Variants in MSRB3 observed in about 807,000 individuals in gnomAD.
MSRB3 encodes the protein methionine-R-sulfoxide reductase B3.
A neutral mutation model predicts 21.0 loss-of-function variants in MSRB3; 13 were observed. That is an observed-to-expected ratio of 0.62 (90% CI 0.40 to 0.98). The LOEUF (loss-of-function observed/expected upper bound fraction) is 0.98. Among genes scored for constraint, MSRB3 ranks in the 50% least tolerant of loss-of-function variants. The pLI is 0.00. For synonymous variants in MSRB3, 87 were observed against 88.6 expected (o/e 0.98, Z 0.10); for missense variants, 199 against 230.3 (o/e 0.86, Z 0.88).
At chr12:65,297,904 G>C (rs1313971033) in intron 1 of MSRB3, among the ~76,000 whole-genome samples, 1 of 152,106 alleles carries the variant, frequency 6.6e-6, no homozygotes, top group African/African-American at 2.4e-5. Flanking sequence ...AAATAAAATT[G>C]ACAGCACTTA....
At chr12:65,298,105 G>A (rs903991882) in intron 1 of MSRB3, among the ~76,000 whole-genome samples, 1 of 152,010 alleles carries the variant, frequency 6.6e-6, no homozygotes, top group Non-Finnish European at 1.5e-5. Flanking sequence ...CTGGGTTCAA[G>A]CAATCCTCCC....
At chr12:65,311,846 A>T (rs1266550318) in intron 2 of MSRB3, among the ~76,000 whole-genome samples, 7 of 152,086 alleles carry the variant, frequency 4.6e-5, no homozygotes, top group Non-Finnish European at 1.0e-4. Context: ...ATTGACCTGC[A>T]TGAAGGCTAT....
intron 5 of MSRB3, among the ~76,000 whole-genome samples, chr12:65,437,049 T>C (rs1433490344): frequency 6.6e-6 from 1 of 151,888 alleles, no homozygotes; most frequent in Non-Finnish European, 1.5e-5. Flanking sequence ...ATAATACTCA[T>C]TGGAGATGGT....
At chr12:65,319,782 A>G (rs956707051) in intron 2 of MSRB3, among the ~76,000 whole-genome samples, 1 of 152,216 alleles carries the variant, frequency 6.6e-6, no homozygotes, top group Non-Finnish European at 1.5e-5. Context: ...ATGAATGAAG[A>G]TGTTTGAGAA....
At chr12:65,328,347 A>G (rs1387940537) in intron 3 of MSRB3, among the ~76,000 whole-genome samples, 179 bp from the exon 4 acceptor site, 1 of 152,014 alleles carries the variant, frequency 6.6e-6, no homozygotes, top group African/African-American at 2.4e-5. Context: ...TTATATGCAC[A>G]TTTTATTATA....
intron 5 of MSRB3, among the ~76,000 whole-genome samples, chr12:65,448,920 A>C (rs1882736281): frequency 6.6e-6 from 1 of 152,200 alleles, no homozygotes. Context: ...GTTGATTGCC[A>C]CTTAAATTTT....
At chr12:65,347,800 G>A (rs568440344) in intron 4 of MSRB3, among the ~76,000 whole-genome samples, 1 of 152,254 alleles carries the variant, frequency 6.6e-6, no homozygotes, top group South Asian at 2.1e-4. Context: ...CACGAAGGTT[G>A]TTGAATTTTC....
intron 6 of MSRB3, among the ~76,000 whole-genome samples, chr12:65,456,091 A>G (rs574604954): frequency 6.6e-6 from 1 of 152,332 alleles, no homozygotes; most frequent in Admixed American, 6.5e-5. Context: ...TAACTGTCAC[A>G]AAAAGGTAAA....
intron 4 of MSRB3, among the ~76,000 whole-genome samples, chr12:65,337,105 C>T (rs1299401553): frequency 1.3e-5 from 2 of 152,032 alleles, no homozygotes; most frequent in Admixed American, 6.6e-5. Flanking sequence ...TAGCCGGGCG[C>T]AGTGGCGGGC....
chr12:65,457,204 C>T lies in MSRB3; in HGVS notation c.390+3379C>T, dbSNP rs142466303. Among the ~76,000 whole-genome samples, 1,094 of 152,020 alleles carry T rather than the reference C, an allele frequency of 7.2e-3. 8 individuals carry two copies. The highest frequency in any genetic ancestry group is 0.011 in the Non-Finnish European group (771 of 67,976). On this transcript the variant is annotated intron_variant, in intron 6 of 6. Transcript: ENST00000308259. ...CTCTTCTTCTGCTCAGAACTTCTCCCGTTTATTTTATTTTATTTTATTATT... is the reference window on the plus strand; with the variant it reads ...CTCTTCTTCTGCTCAGAACTTCTCCTGTTTATTTTATTTTATTTTATTATT...
chr12:65,369,043 A>G lies in MSRB3; in HGVS notation c.292+17A>G. The G allele has an allele frequency of 1.3e-6, 2 of 1,542,336 alleles. No homozygotes were observed. Among genetic ancestry groups the G allele is most frequent in the Non-Finnish European group, 1.8e-6 (2 of 1,116,240 alleles). ...CCGGTTCAGGTATGTTTACATTAAT[A>G]ATGCTCTTCTGAATATATTTTATTT... On this transcript the variant is annotated intron_variant, in intron 5 of 6. Coordinates refer to ENST00000308259, the MANE Select transcript of MSRB3 (RefSeq NM_001031679.3).
intron 1 of MSRB3, among the ~76,000 whole-genome samples, 179 bp from the exon 2 acceptor site, chr12:65,308,350 C>T (rs1402930370): frequency 6.6e-6 from 1 of 152,092 alleles, no homozygotes; most frequent in African/African-American, 2.4e-5. Context: ...CTCTAAGGTA[C>T]AAATAAAGCT....
At chr12:65,345,537 CT>C (rs1367990006) in intron 4 of MSRB3, among the ~76,000 whole-genome samples, 2 of 152,032 alleles carry the variant, frequency 1.3e-5, no homozygotes, top group African/African-American at 4.8e-5. Flanking sequence ...GCTAATGTTC[CT>C]GATAACACAC....
At chr12:65,295,091 A>G (rs572623567) in intron 1 of MSRB3, among the ~76,000 whole-genome samples, 18 of 152,300 alleles carry the variant, frequency 1.2e-4, no homozygotes, top group Non-Finnish European at 2.2e-4. Flanking sequence ...GCAACTGCCA[A>G]AGTGCTGAGA....
chr12:65,429,433 G>A (rs183583622), intron 5 of MSRB3, among the ~76,000 whole-genome samples: 1 of 152,130 alleles, frequency 6.6e-6, no homozygotes, highest in Non-Finnish European at 1.5e-5. Flanking sequence ...AGACCAGTGT[G>A]GTTGAAGCAC....
At chr12:65,358,899 T>C (rs1877545527) in intron 4 of MSRB3, among the ~76,000 whole-genome samples, 1 of 151,980 alleles carries the variant, frequency 6.6e-6, no homozygotes, top group Non-Finnish European at 1.5e-5. Flanking sequence ...TTTTATCTCT[T>C]AGCATTCTCT....
chr12:65,416,353 GA>G (rs1238276586), intron 5 of MSRB3, among the ~76,000 whole-genome samples: 1 of 152,178 alleles, frequency 6.6e-6, no homozygotes, highest in African/African-American at 2.4e-5. Flanking sequence ...CCTGGAATTT[GA>G]AAAACACCTA....
intron 4 of MSRB3, among the ~76,000 whole-genome samples, chr12:65,337,530 T>A (rs1390486174): frequency 1.3e-5 from 2 of 151,648 alleles, no homozygotes; most frequent in African/African-American, 4.8e-5. Flanking sequence ...TTTCAGCTGT[T>A]AATAGTGAGA....
chr12:65,433,957 T>G (rs76473743), intron 5 of MSRB3, among the ~76,000 whole-genome samples: 3,499 of 151,992 alleles, frequency 0.023, 155 homozygotes, highest in African/African-American at 0.081. Flanking sequence ...TCAAAGATCT[T>G]GGCATATTCT....
Sources: allele counts gnomAD v4.1 joint callset (sites outside exome capture counted in the v4.1 genomes callset), GRCh38; gene constraint gnomAD v4.1.1; transcripts MANE v1.5; gene names NCBI Gene and HGNC (gene_info 2026-07-23, HGNC 2026-07-21).